The following ARVCF variants were observed in gnomAD, a reference collection of about 807,000 sequenced individuals.
The protein encoded by ARVCF is ARVCF delta catenin family member, also known as splicing regulator ARVCF.
Under a neutral mutation model 90.9 loss-of-function variants are expected in ARVCF, and 66 were observed. The ratio of observed to expected loss-of-function variants is 0.73; its 90% CI spans 0.60 to 0.89. ARVCF has a LOEUF of 0.89. Ranked by LOEUF, ARVCF falls within the 40% of genes least tolerant of loss-of-function variation. The pLI, the probability that ARVCF is intolerant of heterozygous loss-of-function variation, is 0.00. For synonymous variants in ARVCF, 653 were observed against 603.4 expected (o/e 1.08, Z -1.21); for missense variants, 1,469 against 1,382.3 (o/e 1.06, Z -1.00).
chr22:19,981,300 G>A lies in ARVCF; in HGVS notation c.807C>T (p.Ala269=), dbSNP rs750885385. The stretch of plus-strand genomic sequence containing the variant: ...GCTCAGGGCCACCCTCGTCATCAGC[G>A]GCCAGGCTGCGCGTGTCATCCTCCA... ...YGLEDDTRSL[A]ADDEGGPELE... The change falls in exon 5 of 20, where the codon GCC becomes GCT. Residue 269 remains alanine (A), a synonymous_variant. Transcript: ENST00000263207. 1.1e-4 allele frequency: 176 copies of A among 1,593,188 alleles called. No individual in the cohort carries two copies. The highest frequency in any genetic ancestry group is 3.3e-4 in the Middle Eastern group (2 of 6,060).
chr22:19,977,500 G>T lies in ARVCF; in HGVS notation c.1785C>A (p.Ala595=). The change falls in exon 9 of 20, where the codon GCC becomes GCA. Residue 595 remains alanine (A), a synonymous_variant. Transcript: ENST00000263207. The part of the protein sequence containing the change: ...EVPGADRYQE[A]EPGPLGSAVG... The stretch of plus-strand genomic sequence containing the variant: ...CAGCACTGCCCAGGGGCCCGGGCTC[G>T]GCCTCCTGGTACCTGTCGGCCCCGG... 6.3e-7 allele frequency: 1 copy of T among 1,598,772 alleles called. No homozygotes were observed.
chr22:19,982,156 C>T (rs1943541050), intron 3 of ARVCF, 65 bp from the exon 4 acceptor site: 1 of 1,578,902 alleles, frequency 6.3e-7, no homozygotes, highest in Non-Finnish European at 8.6e-7. Flanking sequence ...TGCAGGTCTC[C>T]ACACACAGCA....
intron 18 of ARVCF, among the ~76,000 whole-genome samples, 163 bp downstream of exon 18, chr22:19,971,723 C>G (rs928919816): frequency 2.0e-5 from 3 of 152,188 alleles, no homozygotes; most frequent in Non-Finnish European, 2.9e-5. Flanking sequence ...TTGTCAGTAC[C>G]CACAGACTGA....
Position 19,981,942 on chromosome 22 carries a change from G to A in ARVCF, c.360C>T (p.Thr120=), listed in dbSNP as rs150636652. 30 of 1,612,482 alleles carry A rather than the reference G, an allele frequency of 1.9e-5. No homozygotes were observed. The highest frequency in any genetic ancestry group is 1.6e-4 in the Middle Eastern group (1 of 6,078). ...VTSEDGTTRR[T]ETKVTKTVKT... is the part of the protein sequence containing the mutation. ...CTGGGCCTGGCCATACCTTGGTCTC[G>A]GTGCGCCGGGTTGTGCCATCTTCGG... The change falls in exon 4 of 20, where the codon ACC becomes ACT. Residue 120 remains threonine (T), a synonymous_variant. Transcript: ENST00000263207.
rs1943231854 is a variant in ARVCF, at chr22:19,977,597, A to G, written c.1699-11T>C. On this transcript the variant is annotated splice_polypyrimidine_tract_variant and intron_variant, in intron 8 of 19. Transcript: ENST00000263207. ...GCAGTTCTCCACCGACTGCAGGGAG[A>G]GGTGAGTGGGTGGGGCAGGGCACCC... The G allele has an allele frequency of 2.0e-6, 3 of 1,503,304 alleles. No homozygotes were observed. The highest frequency in any genetic ancestry group is 1.4e-5 in the African/African-American group (1 of 71,186). 93.1% of individuals were successfully genotyped at this position (1,503,304 alleles called of 1,614,324 possible).
In ARVCF at chr22:19,973,765, C is replaced by G. The variant is rs371370931; in HGVS notation, c.2117G>C (p.Arg706Pro). ...MWATYIRATVRKERGLPVLVE... is the reference protein window; with the variant it reads ...MWATYIRATVPKERGLPVLVE... The stretch of plus-strand genomic sequence containing the variant: ...AAGCACCGGCAGCCCGCGCTCTTTG[C>G]GCACTGTGGCGCGGATGTACGTGGC... The change falls in exon 13 of 20, where the codon CGC becomes CCC. Residue 706 changes from arginine to proline, a missense_variant. Transcript: ENST00000263207. 14 of 1,606,942 alleles carry G rather than the reference C, an allele frequency of 8.7e-6. No individual in the cohort carries two copies. In the South Asian group the frequency reaches 1.5e-4, roughly 18 times the overall value.
intron 11 of ARVCF, among the ~76,000 whole-genome samples, chr22:19,975,428 G>A (rs1234221270): frequency 4.6e-5 from 7 of 152,184 alleles, no homozygotes; most frequent in African/African-American, 7.2e-5. Flanking sequence ...CCGTGAGGCC[G>A]AGCAAGCCCT....
At chr22:20,007,246 T>G (rs1449866235) in intron 2 of ARVCF, among the ~76,000 whole-genome samples, 1 of 151,316 alleles carries the variant, frequency 6.6e-6, no homozygotes, top group Non-Finnish European at 1.5e-5. Context: ...AAAAAAAAAT[T>G]TAAAAATTAG....
intron 17 of ARVCF, 101 bp downstream of exon 17, chr22:19,972,257 C>T (rs945708332): frequency 3.3e-6 from 5 of 1,512,412 alleles, no homozygotes; most frequent in Admixed American, 3.4e-5. Context: ...AATATCTCTC[C>T]TCCACCCAGC....
intron 2 of ARVCF, among the ~76,000 whole-genome samples, chr22:19,998,902 G>A (rs908283430): frequency 3.3e-5 from 5 of 152,168 alleles, no homozygotes; most frequent in African/African-American, 1.2e-4. Flanking sequence ...CTCAGCCTCC[G>A]TCTTCACCTA....
At chr22:19,977,689 A>G in intron 8 of ARVCF, 103 bp from the exon 9 acceptor site, 1 of 1,412,122 alleles carries the variant, frequency 7.1e-7, no homozygotes, top group African/African-American at 1.4e-5. Flanking sequence ...CCGGGAGCAA[A>G]GGAACAGGGA....
chr22:19,975,249 A>G (rs1943085940), intron 11 of ARVCF, among the ~76,000 whole-genome samples: 1 of 152,154 alleles, frequency 6.6e-6, no homozygotes, highest in African/African-American at 2.4e-5. Context: ...ATACAGCCCA[A>G]TAGGCACTGC....
chr22:19,973,620 G>C, intron 13 of ARVCF, 23 bp downstream of exon 13: 22 of 1,592,308 alleles, frequency 1.4e-5, no homozygotes, highest in Non-Finnish European at 1.9e-5. Context: ...GTGCCCAGGC[G>C]TGGGCTTTGC....
rs1165989677 is a variant in ARVCF at position 19,976,721 on chromosome 22, C to T, written c.1873G>A (p.Glu625Lys). 2 of 1,560,442 alleles carry T rather than the reference C, an allele frequency of 1.3e-6. No homozygotes were observed. The highest frequency in any genetic ancestry group is 2.3e-5 in the East Asian group (1 of 42,574). Residue 625 changes from glutamate (E) to lysine (K), a missense_variant and splice_region_variant, in exon 10 of 20, where the codon GAG (glutamate) becomes AAG (lysine). Transcript: ENST00000263207. ...AGGGACTCACCTTGGTGGAACCACT[C>T]CTCTGGGAGGCCGGAGGAAGCAGAG... ...SCFGGKKAKEEWFHQGKKDGE... is the reference protein window; with the variant it reads ...SCFGGKKAKEKWFHQGKKDGE...
chr22:19,972,971 A>G lies in ARVCF; in HGVS notation c.2504T>C (p.Leu835Pro). ...VLQTVWSYKE[L>P]RGTLQKDGWT... ...ACCATCTTTCTGCAAGGTACCACGC[A>G]GCTCCTTGTAGCTCCACACTGTCTG... Residue 835 changes from leucine to proline, a missense_variant, in exon 15 of 20, where the codon CTG (leucine) becomes CCG (proline). Physicochemically the swap from Leu to Pro is moderately conservative, Grantham distance 98. Transcript: ENST00000263207. The G allele has an allele frequency of 6.2e-7, 1 of 1,613,726 alleles. No individual in the cohort carries two copies. The highest frequency in any genetic ancestry group is 8.5e-7 in the Non-Finnish European group (1 of 1,180,024).
chr22:20,014,306 T>C (rs536377755), intron 1 of ARVCF, among the ~76,000 whole-genome samples: 16 of 152,258 alleles, frequency 1.1e-4, no homozygotes, highest in Admixed American at 9.8e-4. Flanking sequence ...GCGATTCTCC[T>C]GCCTCAGCCT....
intron 2 of ARVCF, among the ~76,000 whole-genome samples, chr22:20,002,646 G>A (rs528758889): frequency 1.3e-5 from 2 of 152,184 alleles, no homozygotes; most frequent in African/African-American, 4.8e-5. Context: ...AAGAAGAGAA[G>A]AATTCAGGAG....
Position 19,973,669 on chromosome 22 carries a change from A to G in ARVCF, c.2213T>C (p.Leu738Pro), listed in dbSNP as rs930487397. The G allele has an allele frequency of 3.7e-6, 6 of 1,610,146 alleles. No individual in the cohort carries two copies. The highest frequency in any genetic ancestry group is 3.3e-4 in the Middle Eastern group (2 of 6,080). ...GATGAGGTCTTTGTTGCGCCGGTCC[A>G]GCGAGAGGTTGCGCAGAGCGATGGC... The part of the protein sequence containing the change: ...AVAIALRNLS[L>P]DRRNKDLIGS... Residue 738 changes from leucine (L) to proline (P), a missense_variant, in exon 13 of 20, where the codon CTG becomes CCG. Physicochemically the swap from Leu to Pro is moderately conservative, Grantham distance 98. Coordinates refer to ENST00000263207, the MANE Select transcript of ARVCF (RefSeq NM_001670.3).
chr22:19,993,083 G>C (rs1009636473), intron 2 of ARVCF, among the ~76,000 whole-genome samples: 1 of 152,214 alleles, frequency 6.6e-6, no homozygotes, highest in East Asian at 1.9e-4. Context: ...GCTCAGGAGA[G>C]CAGAGACCTT....
Sources: allele counts gnomAD v4.1 joint callset (sites outside exome capture counted in the v4.1 genomes callset), GRCh38; gene constraint gnomAD v4.1.1; transcripts MANE v1.5; gene names NCBI Gene and HGNC (gene_info 2026-07-23, HGNC 2026-07-21).